The following EPS8L3 variants were observed in gnomAD, a reference collection of about 807,000 sequenced individuals.
EPS8L3 encodes epidermal growth factor receptor kinase substrate 8-like protein 3.
EPS8L3 carries 80 observed loss-of-function variants against 88.5 expected under a neutral mutation model. The observed-to-expected ratio is 0.90, with a 90% CI of 0.75 to 1.09. EPS8L3 has a LOEUF of 1.09. EPS8L3 is among the 50% of genes least tolerant of loss of function. The pLI is 0.00. For synonymous variants in EPS8L3, 286 were observed against 291.0 expected, an observed-to-expected ratio of 0.98 and a Z score of 0.18; for missense variants, 721 against 735.2, an observed-to-expected ratio of 0.98 and a Z score of 0.22.
chr1:109,762,021 G>A (rs897821521), intron 1 of EPS8L3, among the ~76,000 whole-genome samples: 5 of 152,174 alleles, frequency 3.3e-5, no homozygotes, highest in Non-Finnish European at 4.4e-5. Flanking sequence ...CAGCATGGCT[G>A]GGCCTCAGGG....
rs1340910904 is a variant in EPS8L3, at chr1:109,759,216, C to G, written c.405+22G>C. ...GATGGTCGATGAACCCCACCCCTGA[C>G]CAATCACCCCCGACCACTCACCCCC... On this transcript the variant is annotated intron_variant, in intron 5 of 18. Transcript: ENST00000361965. The surrounding 1 kb of genome is among the most constrained non-coding windows in gnomAD (Gnocchi z 4.2). 8.1e-6 allele frequency: 13 copies of G among 1,611,776 alleles called. No homozygotes were observed. Among genetic ancestry groups the G allele is most frequent in the Non-Finnish European group, 1.0e-5 (12 of 1,178,910 alleles).
intron 15 of EPS8L3, 93 bp downstream of exon 15, chr1:109,751,902 C>T: frequency 1.9e-6 from 3 of 1,566,366 alleles, no homozygotes; most frequent in African/African-American, 2.7e-5. Context: ...GGCCACCCAC[C>T]TTGGCAGCTC....
At chr1:109,758,954 G>C in intron 6 of EPS8L3, 108 bp downstream of exon 6, 1 of 1,221,780 alleles carries the variant, frequency 8.2e-7, no homozygotes, top group Admixed American at 2.0e-5. Context: ...TCCAGGCCCA[G>C]GTTGGTTGGG....
intron 3 of EPS8L3, chr1:109,761,155 G>A: frequency 3.9e-6 from 1 of 258,000 alleles, no homozygotes. Flanking sequence ...GACTCGGGCA[G>A]CAGGGGGTTG....
At chr1:109,751,830 C>T in intron 15 of EPS8L3, 48 bp from the exon 16 acceptor site, 1 of 1,608,384 alleles carries the variant, frequency 6.2e-7, no homozygotes, top group South Asian at 1.1e-5. Flanking sequence ...TCCAGCCAGC[C>T]TTCCCTCCCC....
chr1:109,751,318 C>G lies in EPS8L3; in HGVS notation c.1597G>C (p.Glu533Gln). Residue 533 changes from glutamate (E) to glutamine (Q), a missense_variant, in exon 17 of 19, where the codon GAG becomes CAG. By Grantham distance (29) the Glu-to-Gln change is conservative. Transcript: ENST00000361965. ...TCTGCCTGCAGCCAGTCTGTGACCT[C>G]TTCAGGCCTCGAGCTAAGTCGAAGC... ...PMLRLSSRPE[E>Q]VTDWLQAENF... 1 of 1,613,978 alleles carries G rather than the reference C, an allele frequency of 6.2e-7. No homozygotes were observed. Among genetic ancestry groups the G allele is most frequent in the Non-Finnish European group, 8.5e-7 (1 of 1,180,016 alleles).
intron 3 of EPS8L3, among the ~76,000 whole-genome samples, chr1:109,760,374 T>A (rs1440068533): frequency 2.0e-5 from 3 of 151,990 alleles, no homozygotes; most frequent in Non-Finnish European, 4.4e-5. Flanking sequence ...ATCCAGGAGT[T>A]TTTTGCTGTT....
intron 12 of EPS8L3, among the ~76,000 whole-genome samples, chr1:109,754,326 C>A (rs1650090240): frequency 6.6e-6 from 1 of 152,174 alleles, no homozygotes; most frequent in African/African-American, 2.4e-5. Context: ...TTCTGGATGA[C>A]CACAACATTT....
chr1:109,750,452 G>A, intron 18 of EPS8L3, 50 bp from the exon 19 acceptor site: 1 of 1,610,750 alleles, frequency 6.2e-7, no homozygotes, highest in Middle Eastern at 1.7e-4. Flanking sequence ...TGAGGGATCT[G>A]CAGAGCTTAT....
rs1443589148 is a variant in EPS8L3 at position 109,758,200 on chromosome 1, G to A, written c.717+116C>T. ...TATAAACAAGCCTCTCTGGCCTCCT[G>A]GCCCAGGCCCTGGCCATCCTGGGAC... On this transcript the variant is annotated intron_variant, in intron 8 of 18. Coordinates refer to ENST00000361965, the MANE Select transcript of EPS8L3 (RefSeq NM_133181.4). 3.8e-6 allele frequency: 5 copies of A among 1,302,338 alleles called. No individual in the cohort carries two copies. The East Asian group carries it at 6.9e-5, about 18-fold the overall frequency. The allele number at this position is 1,302,338 out of a possible 1,614,324, so 80.7% of individuals were successfully genotyped here. A position where few individuals can be genotyped will look rare whatever the true frequency, so the allele number is the denominator to read the frequency against.
intron 1 of EPS8L3, among the ~76,000 whole-genome samples, chr1:109,763,501 C>G (rs987007252): frequency 6.6e-6 from 1 of 152,140 alleles, no homozygotes; most frequent in African/African-American, 2.4e-5. Context: ...CCTGCCTTGC[C>G]CCTTAGGGGT....
At position 109,759,284 on chromosome 1, in the gene EPS8L3, C is replaced by T. The variant is rs1300280156; in HGVS notation, c.359G>A (p.Gly120Asp). ...GAGCAGAGTGCTAGTGCCTGGCAGGCCCGGCTCCTGCACGGTGATGGACAG... is the reference window on the plus strand; with the variant it reads ...GAGCAGAGTGCTAGTGCCTGGCAGGTCCGGCTCCTGCACGGTGATGGACAG... The part of the protein sequence containing the change: ...SILSITVQEP[G>D]LPGTSTLLFQ... The change falls in exon 5 of 19, where the codon GGC becomes GAC. Residue 120 changes from glycine (G) to aspartate (D), a missense_variant. Gly to Asp is a moderately conservative substitution (Grantham distance 94). Coordinates refer to ENST00000361965, the MANE Select transcript of EPS8L3 (RefSeq NM_133181.4). This position sits in a 1 kb window ranked among gnomAD's most constrained non-coding sequence, Gnocchi z 4.2. 6.2e-7 allele frequency: 1 copy of T among 1,614,134 alleles called. No homozygotes were observed. Among genetic ancestry groups the T allele is most frequent in the South Asian group, 1.1e-5 (1 of 91,088 alleles).
rs754142069 is a variant in EPS8L3, at chr1:109,759,243, C to T, written c.400G>A (p.Val134Met). The T allele has an allele frequency of 6.2e-7, 1 of 1,613,974 alleles. No individual in the cohort carries two copies. The highest frequency in any genetic ancestry group is 8.5e-7 in the Non-Finnish European group (1 of 1,179,950). The change falls in exon 5 of 19, where the codon GTG becomes ATG. Residue 134 changes from valine to methionine, a missense_variant. By Grantham distance (21) the Val-to-Met change is conservative (BLOSUM62 1). Transcript: ENST00000361965. The surrounding 1 kb of genome is among the most constrained non-coding windows in gnomAD (Gnocchi z 4.2). ...AATCACCCCCGACCACTCACCCCCA[C>T]TTCCTGGCACTGGAAGAGCAGAGTG... is the stretch of plus-strand genomic sequence containing the variant. Reference protein sequence around the residue: ...TSTLLFQCQEVGAERLKTSLQ... With the variant: ...TSTLLFQCQEMGAERLKTSLQ...
intron 18 of EPS8L3, 116 bp downstream of exon 18, chr1:109,750,544 C>T (rs142059802): frequency 5.9e-5 from 94 of 1,581,742 alleles, no homozygotes; most frequent in East Asian, 5.2e-4. Context: ...GCCCAGCACC[C>T]GCCACACTCA....
At position 109,758,487 on chromosome 1, in the gene EPS8L3, A is replaced by G. The variant is rs756945869; in HGVS notation, c.601+37T>C. 16 of 1,558,212 alleles carry G rather than the reference A, an allele frequency of 1.0e-5. 1 individual carries two copies. In the South Asian group the frequency reaches 1.9e-4, roughly 19 times the overall value. ...CTTAGATCTTTGACTTTTCATCGAA[A>G]CCCTCTCCTTCACCTGCCCCCATGC... On this transcript the variant is annotated intron_variant, in intron 7 of 18. Coordinates refer to ENST00000361965, the MANE Select transcript of EPS8L3 (RefSeq NM_133181.4).
At chr1:109,763,283 C>T (rs1196256751) in intron 1 of EPS8L3, among the ~76,000 whole-genome samples, 1 of 152,048 alleles carries the variant, frequency 6.6e-6, no homozygotes, top group East Asian at 1.9e-4. Flanking sequence ...CTTCCCCAGC[C>T]TCCCCCAACC....
rs1317421302 is a variant in EPS8L3 at position 109,757,439 on chromosome 1, T to A, written c.969+42A>T. 4 of 1,580,642 alleles carry A rather than the reference T, an allele frequency of 2.5e-6. No individual in the cohort carries two copies. In the Admixed American group the frequency reaches 6.7e-5, roughly 26 times the overall value. On this transcript the variant is annotated intron_variant, in intron 11 of 18. Transcript: ENST00000361965. The stretch of plus-strand genomic sequence containing the variant: ...TTCCTCTCTCTACTCCTTCTTGACT[T>A]CAGCCTGTCCGTCTTCACCACCCTG...
chr1:109,750,756 C>T lies in EPS8L3; in HGVS notation c.1674G>A (p.Gln558=). 2 of 1,614,222 alleles carry T rather than the reference C, an allele frequency of 1.2e-6. No individual in the cohort carries two copies. The highest frequency in any genetic ancestry group is 1.7e-6 in the Non-Finnish European group (2 of 1,180,044). ...VRTLGSLTGS[Q]LLRIRPGELQ... ...GCTCCCCAGGTCTTATGCGAAGTAG[C>T]TGGCTCCCCGTCAGGGACCCAAGTG... Residue 558 remains glutamine, a synonymous_variant, in exon 18 of 19, where the codon CAG becomes CAA. Transcript: ENST00000361965.
chr1:109,750,542 C>G (rs992082185), intron 18 of EPS8L3, 118 bp downstream of exon 18: 8 of 1,582,204 alleles, frequency 5.1e-6, no homozygotes, highest in African/African-American at 1.3e-5. Flanking sequence ...GTGCCCAGCA[C>G]CCGCCACACT....
Sources: allele counts gnomAD v4.1 joint callset (sites outside exome capture counted in the v4.1 genomes callset), GRCh38; gene constraint gnomAD v4.1.1; non-coding constraint Gnocchi (gnomAD v3.1); transcripts MANE v1.5; gene names NCBI Gene and HGNC (gene_info 2026-07-23, HGNC 2026-07-21).